Variants in IGSF3 observed in about 807,000 individuals in gnomAD.
IGSF3 encodes the protein immunoglobulin superfamily member 3.
A neutral mutation model predicts 114.4 loss-of-function variants in IGSF3; 23 were observed. The observed-to-expected ratio is 0.20, with a 90% confidence interval of 0.14 to 0.28. The LOEUF is 0.28. Among genes scored for constraint, IGSF3 ranks in the 10% least tolerant of loss-of-function variants. IGSF3 has a pLI of 1.00. For synonymous variants in IGSF3, 571 were observed against 645.2 expected (o/e 0.88, Z 1.74); for missense variants, 1,172 against 1,591.5 (o/e 0.74, Z 4.48).
rs1237061454 is a variant in IGSF3 at position 116,661,015 on chromosome 1, AG to A, written c.43+5268del. The stretch of plus-strand genomic sequence containing the variant: ...CACTCATCAAAAAATTAACTGGGCC[AG>A]GTGTGGTAGCTCACGCCTGTAATTT... On this transcript the variant is annotated intron_variant, in intron 2 of 10. Transcript: ENST00000369486. The surrounding 1 kb of genome is among the most constrained non-coding windows in gnomAD (Gnocchi z 4.0). 1.3e-5 allele frequency among the ~76,000 whole-genome samples: 2 copies of A among 152,058 alleles called. No homozygotes were observed. The highest frequency in any genetic ancestry group is 2.9e-5 in the Non-Finnish European group (2 of 67,996).
intron 2 of IGSF3, among the ~76,000 whole-genome samples, chr1:116,641,207 TAAA>T (rs922948123): frequency 3.3e-5 from 5 of 152,044 alleles, no homozygotes; most frequent in Admixed American, 1.3e-4. Context: ...AATAGAAAAT[TAAA>T]AGAAGAACGG....
In IGSF3 at chr1:116,644,132, C is replaced by T. The variant is rs193142492; in HGVS notation, c.43+22152G>A. On this transcript the variant is annotated intron_variant, in intron 2 of 10. Transcript: ENST00000369486. This position sits in a 1 kb window ranked among gnomAD's most constrained non-coding sequence, Gnocchi z 5.6. ...TTATCAGTGGTCCCCACTCAGGAAA[C>T]GTGCCCACAAATAAAGACAAAAGTA... 2.2e-4 allele frequency among the ~76,000 whole-genome samples: 33 copies of T among 152,340 alleles called. No homozygotes were observed. Among genetic ancestry groups the T allele is most frequent in the Admixed American group, 7.2e-4 (11 of 15,304 alleles).
chr1:116,588,968 G>A lies in IGSF3; in HGVS notation c.2166C>T (p.Pro722=), dbSNP rs199869830. The change falls in exon 8 of 11, where the codon CCC becomes CCT. Residue 722 remains proline (P), a synonymous_variant. Coordinates refer to ENST00000369486, the MANE Select transcript of IGSF3 (RefSeq NM_001007237.3). The surrounding 1 kb of genome is among the most constrained non-coding windows in gnomAD (Gnocchi z 4.9). The stretch of plus-strand genomic sequence containing the variant: ...GGATAAGCTTGCCATCGGCATCCGA[G>A]GGCTTGTGGACATACCAGAGCACCG... ...HFAVLWYVHK[P]SDADGKLILK... The A allele has an allele frequency of 1.2e-6, 2 of 1,614,208 alleles. No individual in the cohort carries two copies. The highest frequency in any genetic ancestry group is 1.7e-5 in the Admixed American group (1 of 60,030).
At chr1:116,606,186 T>C (rs1175163628) in intron 5 of IGSF3, among the ~76,000 whole-genome samples, 1 of 152,244 alleles carries the variant, frequency 6.6e-6, no homozygotes, top group Non-Finnish European at 1.5e-5. Context: ...AATCAGGAAG[T>C]TGACGGTGTA....
In IGSF3 at chr1:116,615,882, A is replaced by G. The variant is rs1244779526; in HGVS notation, c.421+198T>C. 1.3e-5 allele frequency among the ~76,000 whole-genome samples: 2 copies of G among 152,226 alleles called. No homozygotes were observed. Among genetic ancestry groups the G allele is most frequent in the African/African-American group, 2.4e-5 (1 of 41,454 alleles). On this transcript the variant is annotated intron_variant, in intron 3 of 10. Coordinates refer to ENST00000369486, the MANE Select transcript of IGSF3 (RefSeq NM_001007237.3). This position sits in a 1 kb window ranked among gnomAD's most constrained non-coding sequence, Gnocchi z 4.3. ...CTTAACATCTGCATTAGACCTTTTTAAAGTTTCACCCTCAACCACCTATTA... is the reference window on the plus strand; with the variant it reads ...CTTAACATCTGCATTAGACCTTTTTGAAGTTTCACCCTCAACCACCTATTA...
intron 2 of IGSF3, among the ~76,000 whole-genome samples, chr1:116,630,095 G>A (rs1647489377): frequency 1.3e-5 from 2 of 152,214 alleles, no homozygotes; most frequent in South Asian, 4.1e-4. Flanking sequence ...CCCCACTGAA[G>A]GCAAGGGTCC....
chr1:116,660,479 C>CTTTTTTTT (rs71274759), intron 2 of IGSF3, among the ~76,000 whole-genome samples: 12 of 99,732 alleles, frequency 1.2e-4, no homozygotes, highest in Non-Finnish European at 1.8e-4. Context: ...GTATGCTTTT[C>CTTTTTTTT]TTTTTTTTTT....
Position 116,638,575 on chromosome 1 carries a change from T to A in IGSF3, c.44-22118A>T, listed in dbSNP as rs1214058785. On this transcript the variant is annotated intron_variant, in intron 2 of 10. Coordinates refer to ENST00000369486, the MANE Select transcript of IGSF3 (RefSeq NM_001007237.3). This position sits in a 1 kb window ranked among gnomAD's most constrained non-coding sequence, Gnocchi z 4.1. The stretch of plus-strand genomic sequence containing the variant: ...TCCAAACATCCCCGGTACGTCTTAC[T>A]GGATTTTGCCATTTCCCCCAAGTCG... Among the ~76,000 whole-genome samples, 1 of 152,224 alleles carries A rather than the reference T, an allele frequency of 6.6e-6. No homozygotes were observed. Among genetic ancestry groups the A allele is most frequent in the Non-Finnish European group, 1.5e-5 (1 of 68,032 alleles).
At chr1:116,652,920 G>A (rs1158424917) in intron 2 of IGSF3, among the ~76,000 whole-genome samples, 2 of 152,170 alleles carry the variant, frequency 1.3e-5, no homozygotes, top group Non-Finnish European at 2.9e-5. Flanking sequence ...CGGAGATTTA[G>A]TAACACACTG....
rs1355867156 is a variant in IGSF3, at chr1:116,588,495, C to T, written c.2440+199G>A. Among the ~76,000 whole-genome samples the T allele has an allele frequency of 6.6e-6, 1 of 152,256 alleles. No individual in the cohort carries two copies. Among genetic ancestry groups the T allele is most frequent in the East Asian group, 1.9e-4 (1 of 5,176 alleles). ...AGTCAAGGATGCTTCCATGAGTCTGCCGTCAGCATCAGGACCCACTGCAGG... is the reference window on the plus strand; with the variant it reads ...AGTCAAGGATGCTTCCATGAGTCTGTCGTCAGCATCAGGACCCACTGCAGG... On this transcript the variant is annotated intron_variant, in intron 8 of 10. Coordinates refer to ENST00000369486, the MANE Select transcript of IGSF3 (RefSeq NM_001007237.3). The surrounding 1 kb of genome is among the most constrained non-coding windows in gnomAD (Gnocchi z 4.9).
chr1:116,662,594 G>A lies in IGSF3; in HGVS notation c.43+3690C>T, dbSNP rs1390607222. ...TGGCAACATCTTAACACAGCCCTGG[G>A]TACCTGGAGGTAGCTCAATGATTCT... On this transcript the variant is annotated intron_variant, in intron 2 of 10. Coordinates refer to ENST00000369486, the MANE Select transcript of IGSF3 (RefSeq NM_001007237.3). This position sits in a 1 kb window ranked among gnomAD's most constrained non-coding sequence, Gnocchi z 4.3. 6.6e-6 allele frequency among the ~76,000 whole-genome samples: 1 copy of A among 152,142 alleles called. No individual in the cohort carries two copies. The highest frequency in any genetic ancestry group is 2.4e-5 in the African/African-American group (1 of 41,412).
chr1:116,617,867 C>T (rs1661280090), intron 2 of IGSF3, among the ~76,000 whole-genome samples: 1 of 152,370 alleles, frequency 6.6e-6, no homozygotes, highest in South Asian at 2.1e-4. Flanking sequence ...GGCCCCTTGA[C>T]AATGACACCA....
rs979398258 is a variant in IGSF3 at position 116,634,809 on chromosome 1, C to T, written c.44-18352G>A. ...TTAAGGCTAGGTCACAAACAGGGAA[C>T]GCAGCTTCTGCCAGCTCTCCTGGGA... On this transcript the variant is annotated intron_variant, in intron 2 of 10. Transcript: ENST00000369486. The surrounding 1 kb of genome is among the most constrained non-coding windows in gnomAD (Gnocchi z 4.2). Among the ~76,000 whole-genome samples, 5 of 152,110 alleles carry T rather than the reference C, an allele frequency of 3.3e-5. No individual in the cohort carries two copies. The highest frequency in any genetic ancestry group is 5.9e-5 in the Non-Finnish European group (4 of 68,028).
At position 116,636,893 on chromosome 1, in the gene IGSF3, G is replaced by C. The variant is rs553088750; in HGVS notation, c.44-20436C>G. ...CAGATCTACCGGGCCATGGAGCTGA[G>C]CAGATGGGACTGCAATTCACACTAT... On this transcript the variant is annotated intron_variant, in intron 2 of 10. Coordinates refer to ENST00000369486, the MANE Select transcript of IGSF3 (RefSeq NM_001007237.3). The surrounding 1 kb of genome is among the most constrained non-coding windows in gnomAD (Gnocchi z 4.5). 5.3e-5 allele frequency among the ~76,000 whole-genome samples: 8 copies of C among 152,320 alleles called. No individual in the cohort carries two copies. Among genetic ancestry groups the C allele is most frequent in the African/African-American group, 1.7e-4 (7 of 41,566 alleles).
rs1206795316 is a variant in IGSF3 at position 116,634,172 on chromosome 1, T to C, written c.44-17715A>G. 6.6e-6 allele frequency among the ~76,000 whole-genome samples: 1 copy of C among 152,222 alleles called. No individual in the cohort carries two copies. Among genetic ancestry groups the C allele is most frequent in the African/African-American group, 2.4e-5 (1 of 41,448 alleles). On this transcript the variant is annotated intron_variant, in intron 2 of 10. Coordinates refer to ENST00000369486, the MANE Select transcript of IGSF3 (RefSeq NM_001007237.3). The surrounding 1 kb of genome is among the most constrained non-coding windows in gnomAD (Gnocchi z 4.2). The stretch of plus-strand genomic sequence containing the variant: ...GGTATCCTTTTTAATTGAACACATG[T>C]GAATGTATTACCTATTCGAAAAACA...
chr1:116,578,327 T>C (rs1346933720), intron 10 of IGSF3, among the ~76,000 whole-genome samples: 1 of 152,204 alleles, frequency 6.6e-6, no homozygotes, highest in Non-Finnish European at 1.5e-5. Flanking sequence ...CTAGACTGCT[T>C]TGTTTTCGCT....
intron 2 of IGSF3, among the ~76,000 whole-genome samples, chr1:116,620,266 C>T (rs553307347): frequency 2.0e-5 from 3 of 152,268 alleles, no homozygotes; most frequent in South Asian, 4.1e-4. Context: ...GAGCTGGCCA[C>T]GCTTAGAGTT....
chr1:116,639,938 G>A (rs1648007719), intron 2 of IGSF3, among the ~76,000 whole-genome samples: 1 of 151,430 alleles, frequency 6.6e-6, no homozygotes, highest in African/African-American at 2.4e-5. Context: ...GGAGGCTGAG[G>A]CAGGAGAATC....
At chr1:116,608,764 C>A (rs1048165567) in intron 4 of IGSF3, among the ~76,000 whole-genome samples, 1 of 152,090 alleles carries the variant, frequency 6.6e-6, no homozygotes, top group Non-Finnish European at 1.5e-5. Flanking sequence ...GTAAGACTTA[C>A]CCCACTGAGG....
Sources: gnomAD v4.1 joint callset for allele counts (sites outside exome capture counted in the v4.1 genomes callset) on GRCh38, gnomAD v4.1.1 for gene constraint, Gnocchi (gnomAD v3.1) non-coding constraint, MANE v1.5 for transcripts, NCBI Gene and HGNC (gene_info 2026-07-23, HGNC 2026-07-21) for gene names.